The following NELL1 variants were observed in gnomAD, a reference collection of about 807,000 sequenced individuals.
NELL1 encodes the protein protein kinase C-binding protein NELL1.
Under a neutral mutation model 107.4 loss-of-function variants are expected in NELL1, and 76 were observed. The ratio of observed to expected loss-of-function variants is 0.71; its 90% CI spans 0.59 to 0.86. The LOEUF is 0.86. Among genes scored for constraint, NELL1 ranks in the 40% least tolerant of loss-of-function variants. The pLI, the probability that NELL1 is intolerant of heterozygous loss-of-function variation, is 0.00. For missense variants in NELL1, 1,024 were observed against 1,005.5 expected, an observed-to-expected ratio of 1.02 and a Z score of -0.25; for synonymous variants, 353 against 341.2, an observed-to-expected ratio of 1.03 and a Z score of -0.38.
intron 15 of NELL1, among the ~76,000 whole-genome samples, chr11:21,443,952 A>G (rs1853355995): frequency 6.6e-6 from 1 of 152,120 alleles, no homozygotes; most frequent in Non-Finnish European, 1.5e-5. Flanking sequence ...ATACTATTAC[A>G]TTATAAGAAG....
intron 14 of NELL1, among the ~76,000 whole-genome samples, chr11:21,235,087 G>A (rs1459032911): frequency 6.6e-6 from 1 of 152,198 alleles, no homozygotes; most frequent in African/African-American, 2.4e-5. Context: ...TCTAGACATA[G>A]TTTTGAAACA....
intron 15 of NELL1, among the ~76,000 whole-genome samples, chr11:21,396,090 A>C (rs1290809870): frequency 6.6e-6 from 1 of 151,512 alleles, no homozygotes; most frequent in African/African-American, 2.4e-5. Flanking sequence ...CATCAAATAA[A>C]TGAATTTTTG....
chr11:20,893,407 A>T (rs1490186407), intron 5 of NELL1, among the ~76,000 whole-genome samples: 1 of 151,554 alleles, frequency 6.6e-6, no homozygotes, highest in Non-Finnish European at 1.5e-5. Flanking sequence ...ATTAAAATTA[A>T]AATTAAAAAA....
chr11:20,996,209 C>CTAAG (rs146169919), intron 12 of NELL1, among the ~76,000 whole-genome samples: 2,448 of 152,272 alleles, frequency 0.016, 65 homozygotes, highest in African/African-American at 0.055. Context: ...TTTAGGTAAG[C>CTAAG]TAAGTATTCA....
chr11:21,292,307 A>G (rs1849286458), intron 14 of NELL1, among the ~76,000 whole-genome samples: 2 of 152,202 alleles, frequency 1.3e-5, no homozygotes, highest in East Asian at 1.9e-4. Context: ...GTGCAAAATC[A>G]TGAGTCAACT....
intron 15 of NELL1, among the ~76,000 whole-genome samples, chr11:21,424,346 C>T (rs959764477): frequency 6.6e-6 from 1 of 152,132 alleles, no homozygotes; most frequent in Non-Finnish European, 1.5e-5. Context: ...GCGGGCCAGG[C>T]ACGGTGTCTC....
intron 17 of NELL1, among the ~76,000 whole-genome samples, chr11:21,562,968 A>C (rs1320203453): frequency 6.6e-6 from 1 of 152,094 alleles, no homozygotes; most frequent in African/African-American, 2.4e-5. Context: ...AAGCTAGGCT[A>C]GCATAAATGG....
intron 12 of NELL1, among the ~76,000 whole-genome samples, chr11:21,054,261 C>A (rs374638593): frequency 2.0e-5 from 3 of 152,004 alleles, no homozygotes; most frequent in Middle Eastern, 3.4e-3. Context: ...TTACTATTTG[C>A]CAACATTCTT....
chr11:20,785,642 A>G (rs1435057098), intron 3 of NELL1, among the ~76,000 whole-genome samples: 1 of 152,220 alleles, frequency 6.6e-6, no homozygotes, highest in African/African-American at 2.4e-5. Context: ...GAAAGAGCAC[A>G]GGTTTCAGAG....
intron 15 of NELL1, among the ~76,000 whole-genome samples, chr11:21,458,335 T>C (rs529067303): frequency 5.3e-4 from 81 of 152,280 alleles, no homozygotes; most frequent in Non-Finnish European, 1.0e-3. Flanking sequence ...CTGAAAAATA[T>C]AGTGTTTGAC....
intron 15 of NELL1, among the ~76,000 whole-genome samples, chr11:21,436,061 G>A (rs1215191674): frequency 1.3e-5 from 2 of 151,674 alleles, no homozygotes; most frequent in Admixed American, 6.6e-5. Flanking sequence ...TCTTTCTTAT[G>A]TATTTATTTA....
chr11:21,170,608 G>C (rs1254223176), intron 13 of NELL1, among the ~76,000 whole-genome samples: 1 of 150,978 alleles, frequency 6.6e-6, no homozygotes, highest in Non-Finnish European at 1.5e-5. Flanking sequence ...ATGAGTGTCA[G>C]TAGCTGTCTA....
At chr11:21,499,631 G>A (rs1365941896) in intron 15 of NELL1, among the ~76,000 whole-genome samples, 1 of 152,058 alleles carries the variant, frequency 6.6e-6, no homozygotes, top group African/African-American at 2.4e-5. Context: ...CTTTCCAGGA[G>A]GAAGGCTCTC....
Position 21,100,110 on chromosome 11 carries a change from G to A in NELL1, c.1301-13479G>A, listed in dbSNP as rs186825028. ...TGGCTCACTGCAACCTCCACTTCCC[G>A]GGTTCAACTGATTCTCATGCCTCAG... On this transcript the variant is annotated intron_variant, in intron 12 of 19. Transcript: ENST00000357134. Among the ~76,000 whole-genome samples the A allele has an allele frequency of 2.0e-4, 31 of 151,684 alleles. No homozygotes were observed. The East Asian group carries it at 4.3e-3, about 21-fold the overall frequency.
At chr11:20,722,080 G>A (rs1855404471) in intron 2 of NELL1, among the ~76,000 whole-genome samples, 1 of 150,412 alleles carries the variant, frequency 6.6e-6, no homozygotes, top group Admixed American at 6.6e-5. Context: ...GAATGCAGTG[G>A]TGTGGATCTC....
At chr11:21,000,005 A>T (rs1255175394) in intron 12 of NELL1, among the ~76,000 whole-genome samples, 6 of 152,038 alleles carry the variant, frequency 3.9e-5, no homozygotes, top group South Asian at 2.1e-4. Flanking sequence ...TTGGATGGGG[A>T]TGTCTCAGAG....
chr11:21,220,237 G>T (rs879903236), intron 13 of NELL1, among the ~76,000 whole-genome samples: 1 of 152,156 alleles, frequency 6.6e-6, no homozygotes, highest in Non-Finnish European at 1.5e-5. Context: ...TTTTATGCCA[G>T]TATCATGCTG....
chr11:21,074,834 C>T (rs901347026), intron 12 of NELL1, among the ~76,000 whole-genome samples: 6 of 152,010 alleles, frequency 3.9e-5, no homozygotes, highest in Admixed American at 3.3e-4. Flanking sequence ...TTATATACTC[C>T]CATTGGGAAA....
At chr11:20,899,145 G>A (rs917216413) in intron 5 of NELL1, among the ~76,000 whole-genome samples, 4 of 151,852 alleles carry the variant, frequency 2.6e-5, no homozygotes, top group African/African-American at 9.7e-5. Context: ...AAGTTTAATG[G>A]CTATATATAT....
Sources: gnomAD v4.1 joint callset for allele counts (sites outside exome capture counted in the v4.1 genomes callset) on GRCh38, gnomAD v4.1.1 for gene constraint, MANE v1.5 for transcripts, NCBI Gene and HGNC (gene_info 2026-07-23, HGNC 2026-07-21) for gene names.